NADK: variants seen among roughly 807,000 people sequenced by gnomAD.
NADK encodes NAD kinase, also known as poly(P)/ATP NAD kinase.
Under a neutral mutation model 49.8 loss-of-function variants are expected in NADK, and 22 were observed. The ratio of observed to expected loss-of-function variants is 0.44; its 90% CI spans 0.32 to 0.63. The LOEUF (loss-of-function observed/expected upper bound fraction) is 0.63. Among genes scored for constraint, NADK ranks in the 30% least tolerant of loss-of-function variants. The pLI is 0.06. For synonymous variants in NADK, 268 were observed against 253.7 expected (o/e 1.06, Z -0.54); for missense variants, 438 against 609.4 (o/e 0.72, Z 2.96).
rs200656669 is a variant in NADK, at chr1:1,757,292, C to T, written c.282G>A (p.Ala94=). 4.7e-5 allele frequency: 76 copies of T among 1,613,720 alleles called. No individual in the cohort carries two copies. The highest frequency in any genetic ancestry group is 6.7e-5 in the East Asian group (3 of 44,860). Residue 94 remains alanine (A), a synonymous_variant, in exon 4 of 12, where the codon GCG becomes GCA. Transcript: ENST00000341426. ...PQTIMHIQDP[A]SQRLTWNKSP... ...ACTTGTTCCACGTCAGCCGCTGGCT[C>T]GCGGGGTCCTGAATGTGCCTTTAGG...
chr1:1,769,419 T>C (rs748078072), intron 1 of NADK, among the ~76,000 whole-genome samples: 2 of 151,902 alleles, frequency 1.3e-5, no homozygotes, highest in Non-Finnish European at 2.9e-5. Flanking sequence ...GGCGTGGTGG[T>C]GGGCGCCTAC....
chr1:1,776,233 C>T (rs142958628), intron 1 of NADK, among the ~76,000 whole-genome samples: 5 of 152,248 alleles, frequency 3.3e-5, no homozygotes, highest in Non-Finnish European at 5.9e-5. Context: ...TCATCACGAG[C>T]GCCACTTTCC....
chr1:1,759,225 C>A, intron 3 of NADK: 1 of 1,574,858 alleles, frequency 6.3e-7, no homozygotes, highest in Non-Finnish European at 8.6e-7. Context: ...ACCAGCGCCT[C>A]GACCTCTTCC....
rs1478249686 is a variant in NADK, at chr1:1,760,765, G to C, written c.263+1187C>G. On this transcript the variant is annotated intron_variant, in intron 3 of 11. Transcript: ENST00000341426. ...TGAGGCACCAGTCCCAGAAGCAAAG[G>C]CTTCTCTGGGGAAGAGGCAATGAGG... 4.6e-5 allele frequency among the ~76,000 whole-genome samples: 7 copies of C among 152,244 alleles called. No homozygotes were observed. In the East Asian group the frequency reaches 1.2e-3, roughly 25 times the overall value.
intron 1 of NADK, among the ~76,000 whole-genome samples, chr1:1,774,163 G>A (rs545701887): frequency 1.2e-4 from 18 of 150,470 alleles, no homozygotes; most frequent in South Asian, 4.2e-4. Flanking sequence ...GTGTGTGTGT[G>A]TATATATATA....
intron 1 of NADK, among the ~76,000 whole-genome samples, chr1:1,768,090 GA>G (rs1645939058): frequency 6.6e-6 from 1 of 150,948 alleles, no homozygotes; most frequent in African/African-American, 2.4e-5. Context: ...AGAAATGCTT[GA>G]ACCCAGGAGG....
At chr1:1,774,592 GGCGTGGCCACTGC>G (rs1384425894) in intron 1 of NADK, among the ~76,000 whole-genome samples, 2 of 151,216 alleles carry the variant, frequency 1.3e-5, no homozygotes, top group Non-Finnish European at 3.0e-5. Context: ...TGGGATTACG[GGCGTGGCCACTGC>G]GCGCGGCCAC....
chr1:1,756,356 A>T lies in NADK; in HGVS notation c.500-13T>A. 1 of 1,613,226 alleles carries T rather than the reference A, an allele frequency of 6.2e-7. No individual in the cohort carries two copies. ...ATGTCATCATAATCTAGGAAACACA[A>T]AGCAAAACCAAGAAGAGGCTGTCAC... On this transcript the variant is annotated splice_polypyrimidine_tract_variant and intron_variant, in intron 5 of 11. Transcript: ENST00000341426.
intron 1 of NADK, among the ~76,000 whole-genome samples, chr1:1,767,060 G>A (rs879580814): frequency 1.2e-4 from 18 of 152,102 alleles, no homozygotes; most frequent in Admixed American, 3.9e-4. Flanking sequence ...GACTACAGGC[G>A]TGCGCCACCA....
intron 1 of NADK, among the ~76,000 whole-genome samples, chr1:1,769,854 A>G (rs2100361918): frequency 6.6e-6 from 1 of 152,290 alleles, no homozygotes; most frequent in East Asian, 1.9e-4. Flanking sequence ...AGGTGGGTGG[A>G]TCATTTGAGG....
intron 7 of NADK, 138 bp downstream of exon 7, chr1:1,755,236 A>G: frequency 1.4e-6 from 1 of 711,166 alleles, no homozygotes; most frequent in Non-Finnish European, 2.4e-6. Flanking sequence ...GAACCACTCA[A>G]GATTTAGAAA....
intron 6 of NADK, chr1:1,755,909 GC>G (rs1287738065): frequency 6.3e-6 from 3 of 475,032 alleles, no homozygotes; most frequent in African/African-American, 1.9e-5. Context: ...TGGCCCTACA[GC>G]CCCAGGGGAG....
In NADK at chr1:1,778,375, T is replaced by C. The variant is rs1646276408; in HGVS notation, c.-127A>G. ...CCGCCGCGCCGCCGCCAGCCGTCGCTACCTGGCCCTTGGCGCCCTGGCCGC... is the reference window on the plus strand; with the variant it reads ...CCGCCGCGCCGCCGCCAGCCGTCGCCACCTGGCCCTTGGCGCCCTGGCCGC... On this transcript the variant is annotated 5_prime_UTR_variant, in exon 1 of 12. The change abolishes the stop of an existing upstream ORF in the 5' untranslated region. Transcript: ENST00000341426. The surrounding 1 kb of genome is among the most constrained non-coding windows in gnomAD (Gnocchi z 4.9). 2 of 150,042 alleles carry C rather than the reference T, an allele frequency of 1.3e-5. No homozygotes were observed. The highest frequency in any genetic ancestry group is 4.9e-5 in the African/African-American group (2 of 41,162). 9.3% of individuals were successfully genotyped at this position (150,042 alleles called of 1,614,324 possible).
At chr1:1,779,066 GA>G (rs1465311551), upstream of NADK, 1 of 152,376 alleles carries the variant, frequency 6.6e-6, no homozygotes, top group East Asian at 1.9e-4. Flanking sequence ...GCGCCTGGGG[GA>G]ACCGCGATCG....
chr1:1,761,938 G>T lies in NADK; in HGVS notation c.263+14C>A. 6.2e-7 allele frequency: 1 copy of T among 1,613,466 alleles called. No individual in the cohort carries two copies. Among genetic ancestry groups the T allele is most frequent in the South Asian group, 1.1e-5 (1 of 91,058 alleles). On this transcript the variant is annotated intron_variant, in intron 3 of 11. Coordinates refer to ENST00000341426, the MANE Select transcript of NADK (RefSeq NM_023018.5). ...CCTTCCAAGAACCCCCCGTCCTGGG[G>T]CCCCAGCACTCACATGATGGTCTGG...
At position 1,757,280 on chromosome 1, in the gene NADK, C is replaced by T; in HGVS notation, c.294G>A (p.Leu98=). The change falls in exon 4 of 12, where the codon CTG becomes CTA. Residue 98 remains leucine, a synonymous_variant. Transcript: ENST00000341426. ...CGCTCTTTGGGGACTTGTTCCACGTCAGCCGCTGGCTCGCGGGGTCCTGAA... is the reference window on the plus strand; with the variant it reads ...CGCTCTTTGGGGACTTGTTCCACGTTAGCCGCTGGCTCGCGGGGTCCTGAA... ...MHIQDPASQR[L]TWNKSPKSVL... 6.2e-7 allele frequency: 1 copy of T among 1,613,884 alleles called. No individual in the cohort carries two copies. The highest frequency in any genetic ancestry group is 1.1e-5 in the South Asian group (1 of 91,088).
chr1:1,754,677 C>T lies in NADK; in HGVS notation c.710G>A (p.Arg237Gln), dbSNP rs139648414. 2.9e-5 allele frequency: 47 copies of T among 1,613,434 alleles called. No individual in the cohort carries two copies. The highest frequency in any genetic ancestry group is 1.6e-4 in the African/African-American group (12 of 75,028). The stretch of plus-strand genomic sequence containing the variant: ...CACCACCCTGACCTTCAGCCGACTC[C>T]GGAGAACAACAGCTGCGTTCCCTGA... ...VIEGNAAVVL[R>Q]SRLKVRVVKE... The change falls in exon 8 of 12, where the codon CGG becomes CAG. Residue 237 changes from arginine to glutamine, a missense_variant. Coordinates refer to ENST00000341426, the MANE Select transcript of NADK (RefSeq NM_023018.5). The surrounding 1 kb of genome is among the most constrained non-coding windows in gnomAD (Gnocchi z 4.3).
At chr1:1,779,667 T>TTGTGTGTG (rs34618817), upstream of NADK, among the ~76,000 whole-genome samples, 51 of 148,696 alleles carry the variant, frequency 3.4e-4, no homozygotes, top group African/African-American at 1.1e-3. Flanking sequence ...ATATATATAT[T>TTGTGTGTG]TGTGTGTGTG....
chr1:1,752,942 G>C lies in NADK; in HGVS notation c.1303C>G (p.His435Asp). Residue 435 changes from histidine to aspartate, a missense_variant, in exon 12 of 12, where the codon CAC becomes GAC. Coordinates refer to ENST00000341426, the MANE Select transcript of NADK (RefSeq NM_023018.5). ...LHWNVRKKQA[H>D]FEEEEEEEEE... ...TCCTCCTCCTCCTCCTCCTCGAAGT[G>C]GGCTTGCTTCTTCCGGACGTTCCAA... is the stretch of plus-strand genomic sequence containing the variant. The C allele has an allele frequency of 6.3e-7, 1 of 1,593,506 alleles. No individual in the cohort carries two copies. The highest frequency in any genetic ancestry group is 8.5e-7 in the Non-Finnish European group (1 of 1,169,944).
Sources: gnomAD v4.1 joint callset for allele counts (sites outside exome capture counted in the v4.1 genomes callset) on GRCh38, gnomAD v4.1.1 for gene constraint, Gnocchi (gnomAD v3.1) non-coding constraint, MANE v1.5 for transcripts, NCBI Gene and HGNC (gene_info 2026-07-23, HGNC 2026-07-21) for gene names.